The following FAM227B variants were observed in gnomAD, a reference collection of about 807,000 sequenced individuals.
FAM227B encodes the protein family with sequence similarity 227 member B.
Under a neutral mutation model 73.8 loss-of-function variants are expected in FAM227B, and 88 were observed. The ratio of observed to expected loss-of-function variants is 1.19; its 90% CI spans 1.00 to 1.42. The LOEUF (loss-of-function observed/expected upper bound fraction) is 1.42. Among genes scored for constraint, FAM227B ranks in the 40% most tolerant of loss-of-function variants. The probability of loss-of-function intolerance (pLI) is 0.00; values close to 1 mark genes in which losing one functional copy is unlikely to be tolerated. For missense variants in FAM227B, 632 were observed against 590.9 expected (o/e 1.07, Z -0.72); for synonymous variants, 210 against 190.5 (o/e 1.10, Z -0.84).
At chr15:49,587,602 T>A (rs981774954) in intron 5 of FAM227B, among the ~76,000 whole-genome samples, 1 of 152,140 alleles carries the variant, frequency 6.6e-6, no homozygotes, top group Non-Finnish European at 1.5e-5. Flanking sequence ...AGACTAAGTA[T>A]CTGAAAGTAA....
intron 13 of FAM227B, among the ~76,000 whole-genome samples, chr15:49,343,224 T>G (rs1393331911): frequency 1.3e-5 from 2 of 152,166 alleles, no homozygotes; most frequent in African/African-American, 2.4e-5. Flanking sequence ...TTATTTTTCT[T>G]AATTCTTTTT....
chr15:49,402,009 AG>A (rs1201354693), intron 11 of FAM227B, among the ~76,000 whole-genome samples: 3 of 152,104 alleles, frequency 2.0e-5, no homozygotes, highest in African/African-American at 7.2e-5. Flanking sequence ...AATAAAAAGA[AG>A]AAAAAAAAAA....
chr15:49,379,724 C>G (rs1049393615), intron 11 of FAM227B, among the ~76,000 whole-genome samples: 6 of 152,148 alleles, frequency 3.9e-5, no homozygotes, highest in Non-Finnish European at 7.3e-5. Context: ...TTTCTCACCC[C>G]TTACTTTCTC....
chr15:49,413,682 A>G (rs1247042971), intron 11 of FAM227B, among the ~76,000 whole-genome samples: 1 of 152,070 alleles, frequency 6.6e-6, no homozygotes, highest in African/African-American at 2.4e-5. Context: ...ATTACAATCT[A>G]TTATACTTAG....
chr15:49,575,667 G>C (rs1021353389), intron 7 of FAM227B, among the ~76,000 whole-genome samples: 4 of 151,988 alleles, frequency 2.6e-5, no homozygotes, highest in African/African-American at 9.7e-5. Flanking sequence ...TATTTGGCTA[G>C]TAGATATTGA....
chr15:49,492,391 T>G (rs2057196905), intron 11 of FAM227B, among the ~76,000 whole-genome samples: 1 of 151,948 alleles, frequency 6.6e-6, no homozygotes, highest in South Asian at 2.1e-4. Context: ...TTTTCAGCTT[T>G]TCTCCCTTTT....
intron 8 of FAM227B, among the ~76,000 whole-genome samples, chr15:49,571,897 A>G (rs2075131774): frequency 1.3e-5 from 2 of 152,094 alleles, no homozygotes; most frequent in Admixed American, 1.3e-4. Context: ...CATCACTGGA[A>G]TTTTGTTAGG....
At chr15:49,551,142 C>T (rs1175299802) in intron 9 of FAM227B, among the ~76,000 whole-genome samples, 2 of 152,192 alleles carry the variant, frequency 1.3e-5, no homozygotes, top group East Asian at 1.9e-4. Flanking sequence ...ACCAGTCAGG[C>T]GTGGCGTCAC....
chr15:49,339,148 TTC>T (rs1476650755), intron 13 of FAM227B, among the ~76,000 whole-genome samples: 5 of 152,310 alleles, frequency 3.3e-5, no homozygotes, highest in African/African-American at 1.2e-4. Context: ...GTCAAACTTA[TTC>T]TCTGTCCAGT....
At chr15:49,376,476 A>G (rs1268645166) in intron 11 of FAM227B, among the ~76,000 whole-genome samples, 3 of 151,992 alleles carry the variant, frequency 2.0e-5, no homozygotes, top group Admixed American at 6.6e-5. Context: ...TCATTTACCT[A>G]TATGTTTACC....
At chr15:49,439,359 G>C (rs1436204755) in intron 11 of FAM227B, among the ~76,000 whole-genome samples, 1 of 151,626 alleles carries the variant, frequency 6.6e-6, no homozygotes, top group Non-Finnish European at 1.5e-5. Context: ...GGAAATTGCA[G>C]TGTGACGTAC....
In FAM227B at chr15:49,510,969, T is replaced by C. The variant is rs544512438; in HGVS notation, c.875-2621A>G. On this transcript the variant is annotated intron_variant, in intron 10 of 15. Transcript: ENST00000299338. ...TTTCTGTTCTCTGGAAGTTTTTTTTTTTTAGCATTTTCTTTTTGTTCTCTG... is the reference window on the plus strand; with the variant it reads ...TTTCTGTTCTCTGGAAGTTTTTTTTCTTTAGCATTTTCTTTTTGTTCTCTG... 6.3e-4 allele frequency among the ~76,000 whole-genome samples: 96 copies of C among 152,168 alleles called. 3 individuals are homozygous for C. In the South Asian group the frequency reaches 0.019, roughly 31 times the overall value.
At chr15:49,578,917 C>T (rs2075638380) in intron 5 of FAM227B, among the ~76,000 whole-genome samples, 1 of 152,062 alleles carries the variant, frequency 6.6e-6, no homozygotes, top group African/African-American at 2.4e-5. Context: ...TAACAAGAGA[C>T]AAATATCTAG....
intron 5 of FAM227B, among the ~76,000 whole-genome samples, chr15:49,587,319 G>A (rs950403913): frequency 1.3e-5 from 2 of 152,068 alleles, no homozygotes; most frequent in Non-Finnish European, 2.9e-5. Flanking sequence ...AACAGACACT[G>A]GGGCCTATTG....
intron 10 of FAM227B, among the ~76,000 whole-genome samples, chr15:49,538,739 G>A (rs1439856766): frequency 6.6e-6 from 1 of 151,926 alleles, no homozygotes; most frequent in Admixed American, 6.6e-5. Context: ...GTCTGCTGTT[G>A]ACACTGTCTA....
At chr15:49,508,597 AAGTATGACACAAAT>A (rs2058751382) in intron 10 of FAM227B, among the ~76,000 whole-genome samples, 1 of 152,048 alleles carries the variant, frequency 6.6e-6, no homozygotes, top group Non-Finnish European at 1.5e-5. Flanking sequence ...GTAAATGGGA[AAGTATGACACAAAT>A]ATGAACTAAT....
At chr15:49,498,438 A>G (rs921532977) in intron 11 of FAM227B, among the ~76,000 whole-genome samples, 1 of 152,244 alleles carries the variant, frequency 6.6e-6, no homozygotes, top group African/African-American at 2.4e-5. Context: ...TCAAGTACAT[A>G]TTTCAAACTG....
intron 10 of FAM227B, among the ~76,000 whole-genome samples, chr15:49,523,704 T>C (rs1021475746): frequency 5.3e-5 from 8 of 152,134 alleles, no homozygotes; most frequent in African/African-American, 1.9e-4. Flanking sequence ...AGTTTGGAAC[T>C]TCCTAGAAAT....
Position 49,576,725 on chromosome 15 carries a change from T to C in FAM227B, c.546+16A>G. On this transcript the variant is annotated intron_variant, in intron 7 of 15. Transcript: ENST00000299338. The stretch of plus-strand genomic sequence containing the variant: ...TGTCAAAATGTATCCTACAATAAAA[T>C]GAAATATTTACATACATCAAAATTA... 2 of 1,354,768 alleles carry C rather than the reference T, an allele frequency of 1.5e-6. No individual in the cohort carries two copies. The highest frequency in any genetic ancestry group is 1.2e-5 in the South Asian group (1 of 84,114). The allele number at this position is 1,354,768 out of a possible 1,614,324, so 83.9% of individuals were successfully genotyped here.
Sources: allele counts gnomAD v4.1 joint callset (sites outside exome capture counted in the v4.1 genomes callset), GRCh38; gene constraint gnomAD v4.1.1; transcripts MANE v1.5; gene names NCBI Gene and HGNC (gene_info 2026-07-23, HGNC 2026-07-21).